The following NCR1 variants were observed in gnomAD, a reference collection of about 807,000 sequenced individuals.
NCR1 encodes NK cell-activating receptor.
NCR1 carries 30 observed loss-of-function variants against 32.5 expected under a neutral mutation model. The observed-to-expected ratio is 0.92, with a 90% CI of 0.69 to 1.25. The LOEUF (loss-of-function observed/expected upper bound fraction) is 1.25, where lower values mean the gene tolerates loss of function less well. NCR1 is among the 50% of genes most tolerant of loss of function. The probability of loss-of-function intolerance (pLI) is 0.00; values close to 1 mark genes in which losing one functional copy is unlikely to be tolerated. For missense variants in NCR1, 369 were observed against 380.7 expected, an observed-to-expected ratio of 0.97 and a Z score of 0.26; for synonymous variants, 169 against 143.4, an observed-to-expected ratio of 1.18 and a Z score of -1.28.
chr19:54,906,721 C>A lies in NCR1; in HGVS notation c.269C>A (p.Ser90Tyr), dbSNP rs2067644589. 1.2e-6 allele frequency: 2 copies of A among 1,614,212 alleles called. No individual in the cohort carries two copies. The highest frequency in any genetic ancestry group is 8.5e-7 in the Non-Finnish European group (1 of 1,180,024). ...KVQFYIPDMNSRMAGQYSCIY... is the reference protein window; with the variant it reads ...KVQFYIPDMNYRMAGQYSCIY... Reference sequence around the variant, plus strand: ...CAATTCTACATCCCGGACATGAACTCCCGCATGGCAGGGCAATACAGCTGC... The same window carrying A: ...CAATTCTACATCCCGGACATGAACTACCGCATGGCAGGGCAATACAGCTGC... Residue 90 changes from serine to tyrosine, a missense_variant, in exon 3 of 7, where the codon TCC becomes TAC. Coordinates refer to ENST00000291890, the MANE Select transcript of NCR1 (RefSeq NM_004829.7).
upstream of NCR1, chr19:54,906,139 G>A (rs767488096): frequency 1.6e-5 from 26 of 1,613,290 alleles, no homozygotes; most frequent in Non-Finnish European, 2.1e-5. Flanking sequence ...TCCCTGGCCC[G>A]CCCGGCTCAG....
intron 4 of NCR1, 62 bp from the exon 5 acceptor site, chr19:54,909,956 A>AAT: frequency 5.3e-6 from 7 of 1,332,924 alleles, no homozygotes; most frequent in Non-Finnish European, 6.2e-6. Context: ...AAAAAAAAAA[A>AAT]GAATGGCAAG....
chr19:54,935,768 A>G, the NCR1 span, among the ~76,000 whole-genome samples: 1 of 151,764 alleles, frequency 6.6e-6, no homozygotes, highest in Non-Finnish European at 1.5e-5. Context: ...CTAACTCCTG[A>G]TGATCTGAGA....
downstream of NCR1, among the ~76,000 whole-genome samples, chr19:54,918,855 G>A (rs775851): frequency 0.049 from 7,470 of 151,942 alleles, 637 homozygotes; most frequent in African/African-American, 0.17. Flanking sequence ...GTGGTGGCAC[G>A]TGCCTATAAT....
At chr19:54,907,465 TA>T (rs58941827) in intron 3 of NCR1, among the ~76,000 whole-genome samples, 217 of 130,334 alleles carry the variant, frequency 1.7e-3, no homozygotes, top group African/African-American at 4.5e-3. Flanking sequence ...GGTGGTTTTC[TA>T]AAAAAAAAAA....
At chr19:54,902,315 T>A (rs78726063), upstream of NCR1, among the ~76,000 whole-genome samples, 1,401 of 152,012 alleles carry the variant, frequency 9.2e-3, 29 homozygotes, top group African/African-American at 0.033. Context: ...TTTTTTTTTT[T>A]TATAGACAGG....
upstream of NCR1, among the ~76,000 whole-genome samples, chr19:54,901,480 G>C (rs587637062): frequency 2.6e-5 from 4 of 152,094 alleles, no homozygotes; most frequent in African/African-American, 7.2e-5. Context: ...TGTAGAGGGG[G>C]GACAGTCCCA....
At chr19:54,903,370 A>G (rs1049248452), upstream of NCR1, among the ~76,000 whole-genome samples, 1,624 of 121,388 alleles carry the variant, frequency 0.013, 15 homozygotes, top group Non-Finnish European at 0.019. Context: ...ATACATGTAT[A>G]TATACATGTA....
At chr19:54,933,423 G>A in the NCR1 span, 3 of 993,136 alleles carry the variant, frequency 3.0e-6, no homozygotes, top group South Asian at 2.8e-5. Flanking sequence ...GGGATTACAG[G>A]CATGAGCCAC....
the NCR1 span, among the ~76,000 whole-genome samples, chr19:54,937,884 T>A: frequency 9.1e-5 from 6 of 65,918 alleles, no homozygotes; most frequent in African/African-American, 2.8e-4. Flanking sequence ...GCAACAAGAG[T>A]AAATCTCCGT....
Position 54,907,398 on chromosome 19 carries a change from G to A in NCR1, c.355+591G>A, listed in dbSNP as rs587743032. Among the ~76,000 whole-genome samples the A allele has an allele frequency of 1.6e-4, 23 of 146,854 alleles. No homozygotes were observed. In the East Asian group the frequency reaches 2.0e-3, roughly 13 times the overall value. On this transcript the variant is annotated intron_variant, in intron 3 of 6. Coordinates refer to ENST00000291890, the MANE Select transcript of NCR1 (RefSeq NM_004829.7). ...ACTCCTGACCTCAGATGATCCGCCCGCCTCACCCTCCCAAAGTGCTGGGAT... is the reference window on the plus strand; with the variant it reads ...ACTCCTGACCTCAGATGATCCGCCCACCTCACCCTCCCAAAGTGCTGGGAT...
chr19:54,925,055 G>A, the NCR1 span, among the ~76,000 whole-genome samples: 2 of 152,292 alleles, frequency 1.3e-5, no homozygotes, highest in African/African-American at 4.8e-5. Context: ...CAGCATGCAA[G>A]CCTGTGTATG....
At chr19:54,930,437 G>T in the NCR1 span, 6 of 1,196,966 alleles carry the variant, frequency 5.0e-6, no homozygotes, top group African/African-American at 7.4e-5. Flanking sequence ...ACTCCAGGCT[G>T]GGGGACAGAG....
rs777127236 is a variant in NCR1, at chr19:54,906,723, C to T, written c.271C>T (p.Arg91Cys). 36 of 1,614,104 alleles carry T rather than the reference C, an allele frequency of 2.2e-5. No individual in the cohort carries two copies. In the East Asian group the frequency reaches 5.8e-4, roughly 26 times the overall value. Reference protein sequence around the residue: ...VQFYIPDMNSRMAGQYSCIYR... With the variant: ...VQFYIPDMNSCMAGQYSCIYR... ...ATTCTACATCCCGGACATGAACTCC[C>T]GCATGGCAGGGCAATACAGCTGCAT... The change falls in exon 3 of 7, where the codon CGC (arginine) becomes TGC (cysteine). Residue 91 changes from arginine to cysteine, a missense_variant. Coordinates refer to ENST00000291890, the MANE Select transcript of NCR1 (RefSeq NM_004829.7).
chr19:54,932,231 C>T, the NCR1 span, among the ~76,000 whole-genome samples: 1 of 151,978 alleles, frequency 6.6e-6, no homozygotes. Flanking sequence ...AGTTCAAGAC[C>T]AGCCTGGCCA....
the NCR1 span, among the ~76,000 whole-genome samples, chr19:54,931,631 T>C: frequency 6.7e-6 from 1 of 149,330 alleles, no homozygotes; most frequent in Admixed American, 6.8e-5. Context: ...GAGGTTGTGG[T>C]GAGCAGAGAT....
At chr19:54,927,475 G>A in the NCR1 span, 1 of 823,496 alleles carries the variant, frequency 1.2e-6, no homozygotes, top group Non-Finnish European at 2.0e-6. Flanking sequence ...AGAATTGCTT[G>A]AACCTGAGAG....
rs753861648 is a variant in NCR1, at chr19:54,906,742, G to C, written c.290G>C (p.Ser97Thr). ...AACTCCCGCATGGCAGGGCAATACA[G>C]CTGCATCTATCGGGTTGGGGAGCTC... Reference protein sequence around the residue: ...DMNSRMAGQYSCIYRVGELWS... With the variant: ...DMNSRMAGQYTCIYRVGELWS... The change falls in exon 3 of 7, where the codon AGC (serine) becomes ACC (threonine). Residue 97 changes from serine (S) to threonine (T), a missense_variant. Coordinates refer to ENST00000291890, the MANE Select transcript of NCR1 (RefSeq NM_004829.7). The C allele has an allele frequency of 1.2e-6, 2 of 1,614,196 alleles. No homozygotes were observed. The highest frequency in any genetic ancestry group is 2.2e-5 in the South Asian group (2 of 91,092).
chr19:54,926,774 G>A, the NCR1 span, among the ~76,000 whole-genome samples: 1 of 151,746 alleles, frequency 6.6e-6, no homozygotes, highest in Non-Finnish European at 1.5e-5. Context: ...AAATTAGCTG[G>A]GTGTGGTGGC....
Sources: allele counts gnomAD v4.1 joint callset (sites outside exome capture counted in the v4.1 genomes callset), GRCh38; gene constraint gnomAD v4.1.1; transcripts MANE v1.5; gene names NCBI Gene and HGNC (gene_info 2026-07-23, HGNC 2026-07-21).